C16orf96: variants seen among roughly 807,000 people sequenced by gnomAD.
C16orf96 encodes uncharacterized protein C16orf96.
A neutral mutation model predicts 103.6 loss-of-function variants in C16orf96; 108 were observed. The observed-to-expected ratio is 1.04, with a 90% confidence interval of 0.89 to 1.22. C16orf96 has a LOEUF of 1.22. Ranked by LOEUF, C16orf96 falls within the 50% of genes most tolerant of loss-of-function variation. C16orf96 has a pLI of 0.00. For synonymous variants in C16orf96, 566 were observed against 593.5 expected, an observed-to-expected ratio of 0.95 and a Z score of 0.67; for missense variants, 1,586 against 1,464.2, an observed-to-expected ratio of 1.08 and a Z score of -1.36.
At chr16:4,540,590 C>T in the C16orf96 span, among the ~76,000 whole-genome samples, 79 of 151,882 alleles carry the variant, frequency 5.2e-4, no homozygotes, top group African/African-American at 1.4e-3. Context: ...AAAATTAGCC[C>T]GGCATACACG....
the C16orf96 span, among the ~76,000 whole-genome samples, chr16:4,547,167 C>T: frequency 6.6e-6 from 1 of 152,234 alleles, no homozygotes; most frequent in Non-Finnish European, 1.5e-5. Flanking sequence ...CAGCGTCTCG[C>T]TCTGTCGCCC....
chr16:4,579,632 G>A (rs1043904215), intron 6 of C16orf96, among the ~76,000 whole-genome samples: 21 of 132,312 alleles, frequency 1.6e-4, no homozygotes, highest in Non-Finnish European at 2.5e-4. Flanking sequence ...TTTTTTTTGA[G>A]ACGGAATCTT....
intron 1 of C16orf96, among the ~76,000 whole-genome samples, chr16:4,571,026 A>C (rs913325192): frequency 1.3e-5 from 2 of 152,020 alleles, no homozygotes; most frequent in African/African-American, 4.8e-5. Flanking sequence ...CAAAAACAAA[A>C]ACAAAAAAAA....
intron 5 of C16orf96, among the ~76,000 whole-genome samples, chr16:4,576,883 G>T (rs1198499653): frequency 1.3e-5 from 2 of 152,196 alleles, no homozygotes; most frequent in African/African-American, 4.8e-5. Flanking sequence ...AAAATGGCAT[G>T]CCAAAATTAC....
Position 4,568,842 on chromosome 16 carries a change from C to G in C16orf96, c.421-2719C>G, listed in dbSNP as rs111650902. ...ATGGGAGACCGCTATGTTGCCCAGG[C>G]TGGTTTCGAACTCCTGGGCTCAAGT... On this transcript the variant is annotated intron_variant, in intron 1 of 15. Transcript: ENST00000444310. Among the ~76,000 whole-genome samples the G allele has an allele frequency of 2.9e-3, 434 of 151,924 alleles. 5 individuals are homozygous for G. The highest frequency in any genetic ancestry group is 9.8e-3 in the African/African-American group (407 of 41,436).
At chr16:4,558,338 G>T (rs1659505) in intron 1 of C16orf96, among the ~76,000 whole-genome samples, 1 of 152,124 alleles carries the variant, frequency 6.6e-6, no homozygotes, top group Non-Finnish European at 1.5e-5. Context: ...AAAATAAGCC[G>T]AGCACAGTGG....
At chr16:4,594,908 C>T (rs1358160490) in intron 14 of C16orf96, 105 bp downstream of exon 14, 21 of 1,222,802 alleles carry the variant, frequency 1.7e-5, no homozygotes, top group African/African-American at 3.0e-5. Context: ...TATCCCTGAC[C>T]GGGGAGTCCT....
At chr16:4,571,970 T>C (rs1381389676) in intron 2 of C16orf96, among the ~76,000 whole-genome samples, 1 of 151,710 alleles carries the variant, frequency 6.6e-6, no homozygotes, top group Non-Finnish European at 1.5e-5. Flanking sequence ...CTGCCTGAGC[T>C]TCCCGAGTAG....
At chr16:4,547,924 G>A in the C16orf96 span, among the ~76,000 whole-genome samples, 1 of 151,678 alleles carries the variant, frequency 6.6e-6, no homozygotes, top group African/African-American at 2.4e-5. Context: ...ACAGGGGTGA[G>A]CCACTGCACC....
the C16orf96 span, among the ~76,000 whole-genome samples, chr16:4,547,171 G>C: frequency 6.6e-6 from 1 of 152,212 alleles, no homozygotes; most frequent in Non-Finnish European, 1.5e-5. Flanking sequence ...GTCTCGCTCT[G>C]TCGCCCAGGC....
intron 7 of C16orf96, among the ~76,000 whole-genome samples, chr16:4,581,438 C>G (rs1005783648): frequency 4.0e-5 from 6 of 151,174 alleles, no homozygotes; most frequent in Non-Finnish European, 8.8e-5. Flanking sequence ...TTGAGACCAT[C>G]CTAGCTAACG....
Position 4,580,119 on chromosome 16 carries a change from G to A in C16orf96, c.2346G>A (p.Glu782=). The change falls in exon 7 of 16, where the codon GAG becomes GAA. Residue 782 remains glutamate (E), a synonymous_variant. Coordinates refer to ENST00000444310, the MANE Select transcript of C16orf96 (RefSeq NM_001145011.2). ...AGAACCTGCAGATTCGCATGGATGAGTTCAAGGTTAGGAGGACTGGGTAGG... is the reference window on the plus strand; with the variant it reads ...AGAACCTGCAGATTCGCATGGATGAATTCAAGGTTAGGAGGACTGGGTAGG... ...AVENLQIRMD[E]FKTLQAQIKR... is the part of the protein sequence containing the mutation. The A allele has an allele frequency of 6.5e-7, 1 of 1,528,608 alleles. No individual in the cohort carries two copies. The highest frequency in any genetic ancestry group is 8.8e-7 in the Non-Finnish European group (1 of 1,135,348). 94.7% of individuals were successfully genotyped at this position (1,528,608 alleles called of 1,614,324 possible). A position where few individuals can be genotyped will look rare whatever the true frequency, so the allele number is the denominator to read the frequency against.
rs2059502092 is a variant in C16orf96, at chr16:4,576,004, C to A, written c.1524C>A (p.Val508=). 1 of 1,551,114 alleles carries A rather than the reference C, an allele frequency of 6.4e-7. No individual in the cohort carries two copies. The highest frequency in any genetic ancestry group is 1.4e-5 in the African/African-American group (1 of 73,112). Residue 508 remains valine, a synonymous_variant, in exon 5 of 16, where the codon GTC becomes GTA. Transcript: ENST00000444310. The stretch of plus-strand genomic sequence containing the variant: ...AGGATAGAGCTCACAAGGATGATGT[C>A]CCCAAAGATAGAGGTGGCAAGGATG... The part of the protein sequence containing the change: ...DPKDRAHKDD[V]PKDRGGKDVD...
chr16:4,582,669 A>G (rs556131715), intron 7 of C16orf96, among the ~76,000 whole-genome samples: 1 of 152,186 alleles, frequency 6.6e-6, no homozygotes, highest in East Asian at 1.9e-4. Flanking sequence ...ACTCCTCTTC[A>G]GAGAGACCCA....
chr16:4,540,175 A>G, the C16orf96 span, among the ~76,000 whole-genome samples: 126 of 152,320 alleles, frequency 8.3e-4, 1 homozygote, highest in African/African-American at 2.9e-3. Context: ...TACAGACAGT[A>G]TACAAGGAAA....
chr16:4,573,053 T>G (rs1445330903), intron 2 of C16orf96, among the ~76,000 whole-genome samples: 1 of 152,180 alleles, frequency 6.6e-6, no homozygotes, highest in African/African-American at 2.4e-5. Context: ...AGGCATGGGC[T>G]GGATGGCTCC....
upstream of C16orf96, among the ~76,000 whole-genome samples, chr16:4,551,842 A>G (rs1000283760): frequency 1.3e-5 from 2 of 152,088 alleles, no homozygotes; most frequent in Non-Finnish European, 2.9e-5. Flanking sequence ...TGCTGCACCT[A>G]TCAACCCATC....
the C16orf96 span, among the ~76,000 whole-genome samples, chr16:4,550,273 C>G: frequency 6.6e-6 from 1 of 152,016 alleles, no homozygotes; most frequent in Non-Finnish European, 1.5e-5. Flanking sequence ...TTAGTAGAGA[C>G]AGGGTTTCAT....
intron 1 of C16orf96, among the ~76,000 whole-genome samples, chr16:4,567,031 T>C (rs1356323479): frequency 1.3e-5 from 2 of 152,050 alleles, no homozygotes; most frequent in Admixed American, 1.3e-4. Context: ...GTTATTTTCT[T>C]ATTTCTATTT....
Sources: allele counts gnomAD v4.1 joint callset (sites outside exome capture counted in the v4.1 genomes callset), GRCh38; gene constraint gnomAD v4.1.1; transcripts MANE v1.5; gene names NCBI Gene and HGNC (gene_info 2026-07-23, HGNC 2026-07-21).